The following TASOR2 variants were observed in gnomAD, a reference collection of about 807,000 sequenced individuals.
TASOR2 encodes the protein protein TASOR 2.
TASOR2 carries 84 observed loss-of-function variants against 199.5 expected under a neutral mutation model. That is an observed-to-expected ratio of 0.42 (90% CI 0.35 to 0.50). The LOEUF is 0.50. Ranked by LOEUF, TASOR2 falls within the 20% of genes least tolerant of loss-of-function variation. The pLI, the probability that TASOR2 is intolerant of heterozygous loss-of-function variation, is 0.02. For missense variants in TASOR2, 2,796 were observed against 2,835.9 expected, an observed-to-expected ratio of 0.99 and a Z score of 0.32; for synonymous variants, 1,103 against 1,046.6, an observed-to-expected ratio of 1.05 and a Z score of -1.04.
At position 5,750,146 on chromosome 10, in the gene TASOR2, C is replaced by T. The variant is rs142899371; in HGVS notation, c.6606+119C>T. ...ATGGTATGACATAGTATTTAAATTT[C>T]ACAGCTTAGTCTTTATCTGCATACT... On this transcript the variant is annotated intron_variant, in intron 15 of 20. Coordinates refer to ENST00000328090, the Ensembl canonical transcript of TASOR2. This position sits in a 1 kb window ranked among gnomAD's most constrained non-coding sequence, Gnocchi z 5.4. The T allele has an allele frequency of 2.6e-5, 29 of 1,118,948 alleles. No homozygotes were observed. In the East Asian group the frequency reaches 7.6e-4, roughly 29 times the overall value. 69.3% of individuals were successfully genotyped at this position (1,118,948 alleles called of 1,614,324 possible).
chr10:5,742,582 T>C lies in TASOR2; in HGVS notation c.2757+56T>C. On this transcript the variant is annotated intron_variant, in intron 14 of 20. Transcript: ENST00000328090. This position sits in a 1 kb window ranked among gnomAD's most constrained non-coding sequence, Gnocchi z 4.2. ...GCATTATTTTTGAAGAAAAAAATGT[T>C]TATATGTAAAATCACATTCAAAACA... The C allele has an allele frequency of 2.0e-6, 3 of 1,498,624 alleles. No individual in the cohort carries two copies. Among genetic ancestry groups the C allele is most frequent in the Non-Finnish European group, 2.7e-6 (3 of 1,101,700 alleles). The allele number at this position is 1,498,624 out of a possible 1,614,324, so 92.8% of individuals were successfully genotyped here.
Position 5,720,989 on chromosome 10 carries a change from G to T in TASOR2, c.146+19G>T, listed in dbSNP as rs1324740325. ...CACAGCTGTAAGTATTAAATGTTAT[G>T]TCCTTTACTAATGCTTATATTACAA... On this transcript the variant is annotated intron_variant, in intron 6 of 20. Coordinates refer to ENST00000328090, the Ensembl canonical transcript of TASOR2. The surrounding 1 kb of genome is among the most constrained non-coding windows in gnomAD (Gnocchi z 5.3). 1.5e-5 allele frequency: 24 copies of T among 1,567,400 alleles called. No homozygotes were observed. Among genetic ancestry groups the T allele is most frequent in the Non-Finnish European group, 2.0e-5 (23 of 1,151,170 alleles).
chr10:5,756,963 G>A (rs189364897), intron 16 of TASOR2, among the ~76,000 whole-genome samples: 1 of 152,188 alleles, frequency 6.6e-6, no homozygotes, highest in Admixed American at 6.5e-5. Context: ...TTAGGTGAGA[G>A]GTTGCTAAAT....
exon 15 of TASOR2, chr10:5,747,434 G>C: frequency 6.2e-7 from 1 of 1,614,172 alleles, no homozygotes; most frequent in Non-Finnish European, 8.5e-7. Context: ...AGAGAAGTGA[G>C]TTCTGCTGAC....
rs1837505367 is a variant in TASOR2, at chr10:5,699,192, A to G, written c.-287-13631A>G. On this transcript the variant is annotated intron_variant, in intron 1 of 20. Coordinates refer to ENST00000328090, the Ensembl canonical transcript of TASOR2. This position sits in a 1 kb window ranked among gnomAD's most constrained non-coding sequence, Gnocchi z 4.1. ...TATGCTTTAACATGGATGAACTTCA[A>G]AAACAGGCTAAGTGAAAGAAGCCAA... 6.6e-6 allele frequency among the ~76,000 whole-genome samples: 1 copy of G among 152,186 alleles called. No individual in the cohort carries two copies. The highest frequency in any genetic ancestry group is 2.1e-4 in the South Asian group (1 of 4,828).
chr10:5,693,260 T>G (rs1836700374), intron 1 of TASOR2, among the ~76,000 whole-genome samples: 1 of 152,164 alleles, frequency 6.6e-6, no homozygotes, highest in Non-Finnish European at 1.5e-5. Flanking sequence ...CGGTGCTAGT[T>G]GTGTGTGTGC....
chr10:5,693,130 G>A (rs1336156875), intron 1 of TASOR2, among the ~76,000 whole-genome samples: 2 of 152,194 alleles, frequency 1.3e-5, no homozygotes, highest in African/African-American at 2.4e-5. Flanking sequence ...GTGAGGCCCC[G>A]CAGCAGAGCC....
At chr10:5,744,622 T>G (rs139330101) in intron 14 of TASOR2, among the ~76,000 whole-genome samples, 2,510 of 151,422 alleles carry the variant, frequency 0.017, 25 homozygotes, top group Non-Finnish European at 0.025. Flanking sequence ...TTGGTTGGTT[T>G]GTTTGTTTTG....
chr10:5,759,816 G>A (rs1839516248), intron 18 of TASOR2, among the ~76,000 whole-genome samples: 1 of 152,332 alleles, frequency 6.6e-6, no homozygotes, highest in Non-Finnish European at 1.5e-5. Context: ...AAGGAGAGAA[G>A]GAGCACAGAG....
chr10:5,747,894 T>C, exon 15 of TASOR2: 1 of 1,613,796 alleles, frequency 6.2e-7, no homozygotes, highest in Non-Finnish European at 8.5e-7. Context: ...GAAGAACAGG[T>C]AGACCAACCC....
At position 5,761,309 on chromosome 10, in the gene TASOR2, A is replaced by T. The variant is rs1341113316; in HGVS notation, c.7012A>T (p.Lys2338Ter). 6.2e-7 allele frequency: 1 copy of T among 1,613,524 alleles called. No homozygotes were observed. The highest frequency in any genetic ancestry group is 1.7e-5 in the Admixed American group (1 of 60,008). The change falls in exon 19 of 21, where the codon AAG (lysine) becomes TAG (stop). Residue 2338 changes from lysine to a stop codon, truncating the protein, a stop_gained. Coordinates refer to ENST00000328090, the Ensembl canonical transcript of TASOR2. LOFTEE classifies it high-confidence loss of function. ...TCACAGAGTGGATTCAACTGCACAT[A>T]AGAAGAACATAATGTTGAAGTCATT...
rs949632214 is a variant in TASOR2, at chr10:5,742,022, C to A, written c.2328-75C>A. 51 of 1,418,048 alleles carry A rather than the reference C, an allele frequency of 3.6e-5. No homozygotes were observed. The African/African-American group carries it at 6.9e-4, about 19-fold the overall frequency. The allele number at this position is 1,418,048 out of a possible 1,614,324, so 87.8% of individuals were successfully genotyped here. A position where few individuals can be genotyped will look rare whatever the true frequency, so the allele number is the denominator to read the frequency against. On this transcript the variant is annotated intron_variant, in intron 13 of 20. Coordinates refer to ENST00000328090, the Ensembl canonical transcript of TASOR2. The surrounding 1 kb of genome is among the most constrained non-coding windows in gnomAD (Gnocchi z 4.2). Reference sequence around the variant, plus strand: ...CAAAAACTAAGGAATATTGGAGGCACTTGCTTATGATAAGGTAATCAACTA... The same window carrying A: ...CAAAAACTAAGGAATATTGGAGGCAATTGCTTATGATAAGGTAATCAACTA...
At position 5,752,512 on chromosome 10, in the gene TASOR2, A is replaced by G. The variant is rs2669138; in HGVS notation, c.6606+2485A>G. Among the ~76,000 whole-genome samples the G allele has an allele frequency of 0.94, 143,225 of 152,300 alleles. 67,408 individuals are homozygous for G. The highest frequency in any genetic ancestry group is 0.95 in the Non-Finnish European group (64,950 of 68,038). On this transcript the variant is annotated intron_variant, in intron 15 of 20. Transcript: ENST00000328090. The surrounding 1 kb of genome is among the most constrained non-coding windows in gnomAD (Gnocchi z 4.4). The stretch of plus-strand genomic sequence containing the variant: ...TGGGTCTGTCTCAGACTTCACTTAC[A>G]TCACTTCTGCTGATTTCCTGCGCTA...
chr10:5,686,785 A>T (rs895667228), intron 1 of TASOR2, among the ~76,000 whole-genome samples: 2 of 152,234 alleles, frequency 1.3e-5, no homozygotes, highest in African/African-American at 4.8e-5. Flanking sequence ...TAGGCAGGTC[A>T]TATCATTTGC....
intron 1 of TASOR2, among the ~76,000 whole-genome samples, chr10:5,691,525 A>G (rs1326398927): frequency 1.3e-5 from 2 of 152,258 alleles, no homozygotes; most frequent in East Asian, 3.8e-4. Context: ...TAAATACCTT[A>G]GTGAATTTTT....
chr10:5,751,815 T>C lies in TASOR2; in HGVS notation c.6606+1788T>C, dbSNP rs1348903771. Among the ~76,000 whole-genome samples, 1 of 152,194 alleles carries C rather than the reference T, an allele frequency of 6.6e-6. No homozygotes were observed. Among genetic ancestry groups the C allele is most frequent in the Non-Finnish European group, 1.5e-5 (1 of 68,044 alleles). ...CAAGAAATATACATATGTACATACG[T>C]ATATCTACATCTCTATTTATGTATA... is the stretch of plus-strand genomic sequence containing the variant. On this transcript the variant is annotated intron_variant, in intron 15 of 20. Coordinates refer to ENST00000328090, the Ensembl canonical transcript of TASOR2. This position sits in a 1 kb window ranked among gnomAD's most constrained non-coding sequence, Gnocchi z 5.3.
chr10:5,748,048 G>A lies in TASOR2; in HGVS notation c.4627G>A (p.Glu1543Lys), dbSNP rs1182250719. ...CACAGGTGACTTCAGTCCTTCTCCT[G>A]AAAAACTGGTAAAATCAGGAAATCC... is the stretch of plus-strand genomic sequence containing the variant. The change falls in exon 15 of 21, where the codon GAA becomes AAA. Residue 1543 changes from glutamate (E) to lysine (K), a missense_variant. Physicochemically the swap from Glu to Lys is moderately conservative, Grantham distance 56. This residue lies in a region of TASOR2 where 1,941 missense variants were observed against 1,924.9 expected (regional missense o/e 1.01). Coordinates refer to ENST00000328090, the Ensembl canonical transcript of TASOR2. This position sits in a 1 kb window ranked among gnomAD's most constrained non-coding sequence, Gnocchi z 5.1. 6.2e-7 allele frequency: 1 copy of A among 1,614,160 alleles called. No homozygotes were observed. Among genetic ancestry groups the A allele is most frequent in the East Asian group, 2.2e-5 (1 of 44,892 alleles).
Position 5,748,591 on chromosome 10 carries a change from A to G in TASOR2, c.5170A>G (p.Lys1724Glu). 6.2e-7 allele frequency: 1 copy of G among 1,613,868 alleles called. No individual in the cohort carries two copies. Among genetic ancestry groups the G allele is most frequent in the Non-Finnish European group, 8.5e-7 (1 of 1,180,032 alleles). Residue 1724 changes from lysine to glutamate, a missense_variant, in exon 15 of 21, where the codon AAA becomes GAA. By Grantham distance (56) the Lys-to-Glu change is moderately conservative (BLOSUM62 1). This residue lies in a region of TASOR2 where 1,941 missense variants were observed against 1,924.9 expected (regional missense o/e 1.01). Transcript: ENST00000328090. The surrounding 1 kb of genome is among the most constrained non-coding windows in gnomAD (Gnocchi z 5.1). ...TCAGTCCAACACCACATCTTCTCTA[A>G]AAGGTGAACGCAAAGCCATCCACAC...
chr10:5,703,337 A>G (rs1838136319), intron 1 of TASOR2, among the ~76,000 whole-genome samples: 1 of 152,026 alleles, frequency 6.6e-6, no homozygotes, highest in Non-Finnish European at 1.5e-5. Flanking sequence ...GTGGCTGTTG[A>G]ATTTTATGTC....
Sources: allele counts gnomAD v4.1 joint callset (sites outside exome capture counted in the v4.1 genomes callset), GRCh38; gene constraint gnomAD v4.1.1; regional missense constraint gnomAD v4.1.1; non-coding constraint Gnocchi (gnomAD v3.1); transcripts MANE v1.5; gene names NCBI Gene and HGNC (gene_info 2026-07-23, HGNC 2026-07-21).